Variants in TGFBR3 observed in about 807,000 individuals in gnomAD.
TGFBR3 encodes transforming growth factor beta receptor 3.
In TGFBR3, 46 loss-of-function variants were observed where a neutral mutation model predicts 87.9. That is an observed-to-expected ratio of 0.52 (90% CI 0.41 to 0.67). The LOEUF (loss-of-function observed/expected upper bound fraction) is 0.67, where lower values mean the gene tolerates loss of function less well. Among genes scored for constraint, TGFBR3 ranks in the 30% least tolerant of loss-of-function variants. TGFBR3 has a pLI of 0.00. For missense variants in TGFBR3, 866 were observed against 1,041.9 expected, an observed-to-expected ratio of 0.83 and a Z score of 2.32; for synonymous variants, 381 against 391.6, an observed-to-expected ratio of 0.97 and a Z score of 0.32.
intron 2 of TGFBR3, among the ~76,000 whole-genome samples, chr1:91,844,099 G>A (rs568407039): frequency 6.6e-6 from 1 of 152,176 alleles, no homozygotes; most frequent in South Asian, 2.1e-4. Context: ...AAAGGAACAA[G>A]GATATTCATT....
chr1:91,703,011 C>T (rs1319248684), intron 14 of TGFBR3, among the ~76,000 whole-genome samples: 1 of 152,028 alleles, frequency 6.6e-6, no homozygotes, highest in Admixed American at 6.5e-5. Context: ...CGCCACTGCA[C>T]TCCAGCCTGG....
intron 4 of TGFBR3, among the ~76,000 whole-genome samples, chr1:91,754,774 A>G (rs1468700279): frequency 6.6e-6 from 1 of 152,162 alleles, no homozygotes; most frequent in Admixed American, 6.5e-5. Flanking sequence ...TAATTATGAA[A>G]GTTTTCCTTT....
chr1:91,784,043 G>A (rs978598693), intron 3 of TGFBR3, among the ~76,000 whole-genome samples: 7 of 152,028 alleles, frequency 4.6e-5, no homozygotes, highest in Non-Finnish European at 8.8e-5. Flanking sequence ...CCCAGCTGAC[G>A]GAAAGGACTA....
intron 2 of TGFBR3, among the ~76,000 whole-genome samples, chr1:91,801,397 T>C (rs977437198): frequency 3.3e-5 from 5 of 151,828 alleles, no homozygotes; most frequent in African/African-American, 1.2e-4. Flanking sequence ...GGGACAGAGT[T>C]AAGTGGCCAG....
intron 2 of TGFBR3, among the ~76,000 whole-genome samples, chr1:91,842,555 A>C (rs1209025372): frequency 6.6e-6 from 1 of 152,164 alleles, no homozygotes; most frequent in Non-Finnish European, 1.5e-5. Flanking sequence ...CTCAGTTCAA[A>C]TCCACCTGGC....
At chr1:91,790,808 T>C (rs1313916630) in intron 3 of TGFBR3, among the ~76,000 whole-genome samples, 1 of 152,180 alleles carries the variant, frequency 6.6e-6, no homozygotes. Context: ...AGAATGTAGC[T>C]AGTTTAATGT....
chr1:91,699,040 CTT>C (rs1376059974), intron 14 of TGFBR3, among the ~76,000 whole-genome samples: 3 of 151,886 alleles, frequency 2.0e-5, no homozygotes, highest in Admixed American at 1.3e-4. Context: ...GACTAAACCC[CTT>C]GATGACTCTC....
At chr1:91,779,718 C>A (rs1674696251) in intron 3 of TGFBR3, among the ~76,000 whole-genome samples, 1 of 151,620 alleles carries the variant, frequency 6.6e-6, no homozygotes, top group South Asian at 2.1e-4. Flanking sequence ...AAACTGGAGA[C>A]AGGAGGGAGC....
At chr1:91,716,201 A>G in intron 12 of TGFBR3, 35 bp downstream of exon 12, 1 of 1,613,370 alleles carries the variant, frequency 6.2e-7, no homozygotes. Flanking sequence ...GCCCAGCACT[A>G]ACCTAAAAGG....
chr1:91,771,802 C>T (rs925884023), intron 3 of TGFBR3, among the ~76,000 whole-genome samples: 1 of 151,498 alleles, frequency 6.6e-6, no homozygotes, highest in Non-Finnish European at 1.5e-5. Context: ...ATTTGGGAAG[C>T]ACCACTAAGT....
chr1:91,760,137 C>A (rs1673905636), intron 3 of TGFBR3, among the ~76,000 whole-genome samples: 2 of 152,244 alleles, frequency 1.3e-5, no homozygotes, highest in African/African-American at 2.4e-5. Flanking sequence ...CAAAAATATT[C>A]TATGAATAAC....
intron 14 of TGFBR3, among the ~76,000 whole-genome samples, chr1:91,704,152 A>G (rs991748308): frequency 6.6e-6 from 1 of 151,924 alleles, no homozygotes; most frequent in Non-Finnish European, 1.5e-5. Context: ...ACATGGTGAA[A>G]CCCCATCTCT....
At chr1:91,803,189 G>A (rs977000162) in intron 2 of TGFBR3, among the ~76,000 whole-genome samples, 2 of 152,070 alleles carry the variant, frequency 1.3e-5, no homozygotes, top group Admixed American at 6.6e-5. Flanking sequence ...CTCATTCCTC[G>A]GACACTTGCT....
Position 91,720,162 on chromosome 1 carries a change from C to G in TGFBR3, c.1144G>C (p.Ala382Pro), listed in dbSNP as rs1486558621. 6.2e-7 allele frequency: 1 copy of G among 1,613,488 alleles called. No homozygotes were observed. Among genetic ancestry groups the G allele is most frequent in the Non-Finnish European group, 8.5e-7 (1 of 1,179,832 alleles). Residue 382 changes from alanine to proline, a missense_variant, in exon 9 of 17, where the codon GCC (alanine) becomes CCC (proline). Coordinates refer to ENST00000212355, the MANE Select transcript of TGFBR3 (RefSeq NM_003243.5). ...GGCGGGTTCTGCAGGGCAGGCAGGG[C>G]ACCAGGGTCCAGCAGGATCCGTAGC... is the stretch of plus-strand genomic sequence containing the variant. The part of the protein sequence containing the change: ...PELRILLDPG[A>P]LPALQNPPIR...
intron 2 of TGFBR3, among the ~76,000 whole-genome samples, chr1:91,891,446 C>T (rs946904692): frequency 2.0e-5 from 3 of 149,916 alleles, no homozygotes; most frequent in Non-Finnish European, 4.4e-5. Flanking sequence ...TGCAGTGAGC[C>T]GTGATCGTGC....
At chr1:91,837,680 G>C (rs1264572897) in intron 2 of TGFBR3, among the ~76,000 whole-genome samples, 3 of 152,256 alleles carry the variant, frequency 2.0e-5, no homozygotes, top group South Asian at 2.1e-4. Flanking sequence ...ATATACATTA[G>C]AGCAGAAAAA....
intron 7 of TGFBR3, 28 bp from the exon 8 acceptor site, chr1:91,722,172 T>C (rs757587999): frequency 6.3e-7 from 1 of 1,595,766 alleles, no homozygotes; most frequent in Non-Finnish European, 8.6e-7. Context: ...AAATCACTCA[T>C]GAGTCTAAAA....
intron 2 of TGFBR3, among the ~76,000 whole-genome samples, chr1:91,800,622 T>A (rs1675586266): frequency 6.6e-6 from 1 of 151,704 alleles, no homozygotes; most frequent in Non-Finnish European, 1.5e-5. Flanking sequence ...TCGAAGTTCC[T>A]CATAGAATTT....
intron 2 of TGFBR3, among the ~76,000 whole-genome samples, chr1:91,896,495 A>G (rs1425449301): frequency 6.6e-6 from 1 of 152,156 alleles, no homozygotes; most frequent in Non-Finnish European, 1.5e-5. Flanking sequence ...GGCAGGGAGC[A>G]AGTATGTGGT....
Sources: allele counts gnomAD v4.1 joint callset (sites outside exome capture counted in the v4.1 genomes callset), GRCh38; gene constraint gnomAD v4.1.1; transcripts MANE v1.5; gene names NCBI Gene and HGNC (gene_info 2026-07-23, HGNC 2026-07-21).